Variants in AR observed in about 807,000 individuals in gnomAD.
AR encodes androgen receptor.
AR carries 8 observed loss-of-function variants against 53.9 expected under a neutral mutation model. The ratio of observed to expected loss-of-function variants is 0.15; its 90% CI spans 0.09 to 0.27. AR has a LOEUF of 0.27. Ranked by LOEUF, AR falls within the 10% of genes least tolerant of loss-of-function variation. AR has a pLI of 1.00. For synonymous variants in AR, 359 were observed against 316.4 expected (o/e 1.13, Z -1.43); for missense variants, 639 against 742.5 (o/e 0.86, Z 1.62).
chrX:67,707,889 C>G (rs1265738230), intron 3 of AR, among the ~76,000 whole-genome samples: 2 of 111,559 alleles, frequency 1.8e-5, no homozygotes, highest in African/African-American at 6.5e-5. Flanking sequence ...TTTTATTTCT[C>G]CTTCACTTAT....
chrX:67,621,076 G>A (rs1030115550), intron 1 of AR, among the ~76,000 whole-genome samples: 3 of 111,709 alleles, frequency 2.7e-5, no homozygotes, highest in Non-Finnish European at 3.8e-5. Context: ...ATTCTATGCC[G>A]TGGAAGAAGT....
At chrX:67,676,878 A>T (rs1425932236) in intron 2 of AR, among the ~76,000 whole-genome samples, 1 of 111,667 alleles carries the variant, frequency 9.0e-6, no homozygotes, top group Non-Finnish European at 1.9e-5. Flanking sequence ...GCTTGCTTTG[A>T]GTTCATGGAT....
At chrX:67,554,106 A>T (rs961348670) in intron 1 of AR, among the ~76,000 whole-genome samples, 1 of 112,350 alleles carries the variant, frequency 8.9e-6, no homozygotes, top group Non-Finnish European at 1.9e-5. Context: ...TTAAATGTTC[A>T]TCTCTTTAGA....
At chrX:67,716,626 A>G (rs1390739174) in intron 4 of AR, among the ~76,000 whole-genome samples, 4 of 111,136 alleles carry the variant, frequency 3.6e-5, no homozygotes, top group Non-Finnish European at 5.7e-5. Context: ...CCTATTGAGT[A>G]GAAAAGAATG....
intron 4 of AR, among the ~76,000 whole-genome samples, chrX:67,717,003 G>A (rs920655430): frequency 1.8e-5 from 2 of 111,684 alleles, no homozygotes; most frequent in African/African-American, 6.5e-5. Flanking sequence ...TCACAGAATG[G>A]AGATAATAAT....
At chrX:67,591,413 G>A (rs1922824543) in intron 1 of AR, among the ~76,000 whole-genome samples, 2 of 111,724 alleles carry the variant, frequency 1.8e-5, no homozygotes, top group Admixed American at 1.9e-4. Flanking sequence ...AAACTGGAGA[G>A]CTTGACTTCT....
At chrX:67,569,277 G>A (rs769674619) in intron 1 of AR, among the ~76,000 whole-genome samples, 1 of 110,639 alleles carries the variant, frequency 9.0e-6, no homozygotes, top group African/African-American at 3.3e-5. Context: ...AATTCGCTAT[G>A]ATAAGATTGC....
intron 3 of AR, among the ~76,000 whole-genome samples, chrX:67,690,087 G>A (rs1295359828): frequency 9.0e-6 from 1 of 111,656 alleles, no homozygotes; most frequent in South Asian, 3.7e-4. Context: ...GACCATGGAA[G>A]GTAGTAGGCC....
At chrX:67,594,031 G>C (rs1292297709) in intron 1 of AR, among the ~76,000 whole-genome samples, 3 of 112,005 alleles carry the variant, frequency 2.7e-5, no homozygotes, top group Non-Finnish European at 5.6e-5. Flanking sequence ...GTCTTATTCT[G>C]TCTCCCAGGC....
chrX:67,707,542 T>A (rs933643640), intron 3 of AR, among the ~76,000 whole-genome samples: 3 of 111,873 alleles, frequency 2.7e-5, no homozygotes, highest in African/African-American at 9.8e-5. Flanking sequence ...TCTCTGCACA[T>A]GAGATGGGTT....
chrX:67,562,616 C>T (rs1291859011), intron 1 of AR, among the ~76,000 whole-genome samples: 1 of 111,227 alleles, frequency 9.0e-6, no homozygotes, highest in Non-Finnish European at 1.9e-5. Context: ...CTTGACTCTT[C>T]TAGTCATTCG....
chrX:67,718,864 C>T (rs954354956), intron 5 of AR, among the ~76,000 whole-genome samples: 1 of 111,727 alleles, frequency 9.0e-6, no homozygotes, highest in Admixed American at 9.4e-5. Flanking sequence ...AAACTCCTGA[C>T]CTCATGATCT....
At chrX:67,722,805 T>C in intron 6 of AR, 22 bp from the exon 7 acceptor site, 6 of 1,210,385 alleles carry the variant, frequency 5.0e-6, no homozygotes, top group Non-Finnish European at 6.7e-6. Flanking sequence ...CCCCTCCCCA[T>C]TCTGTCTTCA....
chrX:67,613,040 G>A (rs1020470594), intron 1 of AR, among the ~76,000 whole-genome samples: 2 of 112,188 alleles, frequency 1.8e-5, no homozygotes, highest in Admixed American at 9.4e-5. Context: ...CACTTTCTAC[G>A]TATGAGGGCT....
intron 1 of AR, among the ~76,000 whole-genome samples, chrX:67,607,838 C>T (rs920935578): frequency 1.8e-5 from 2 of 111,532 alleles, no homozygotes; most frequent in African/African-American, 6.5e-5. Flanking sequence ...CCAAAAAATT[C>T]TCTGTATTGG....
At chrX:67,693,925 A>G (rs963250965) in intron 3 of AR, among the ~76,000 whole-genome samples, 1 of 111,940 alleles carries the variant, frequency 8.9e-6, no homozygotes, top group Non-Finnish European at 1.9e-5. Context: ...GGGACATTTC[A>G]GCCCTCTAGC....
chrX:67,546,389 C>A lies in AR; in HGVS notation c.1243C>A (p.His415Asn), dbSNP rs767010987. Reference sequence around the variant, plus strand: ...CCGCTATGGGGACCTGGCGAGCCTGCATGGCGCGGGTGCAGCGGGACCCGG... The same window carrying A: ...CCGCTATGGGGACCTGGCGAGCCTGAATGGCGCGGGTGCAGCGGGACCCGG... ...QCRYGDLASL[H>N]GAGAAGPGSG... Residue 415 changes from histidine (H) to asparagine (N), a missense_variant, in exon 1 of 8, where the codon CAT becomes AAT. Coordinates refer to ENST00000374690, the MANE Select transcript of AR (RefSeq NM_000044.6). The A allele has an allele frequency of 2.5e-6, 3 of 1,185,008 alleles. No homozygotes were observed. Among genetic ancestry groups the A allele is most frequent in the Non-Finnish European group, 3.4e-6 (3 of 882,743 alleles).
intron 3 of AR, among the ~76,000 whole-genome samples, chrX:67,686,962 T>C (rs1275888462): frequency 1.8e-5 from 2 of 111,241 alleles, no homozygotes; most frequent in Admixed American, 9.6e-5. Context: ...AATGCCAGGG[T>C]CCTCGCTGCT....
intron 1 of AR, among the ~76,000 whole-genome samples, chrX:67,632,651 A>G (rs1925220754): frequency 8.9e-6 from 1 of 112,120 alleles, no homozygotes; most frequent in Admixed American, 9.5e-5. Context: ...CTATTCGGCC[A>G]TCTTGGCTCC....
Sources: gnomAD v4.1 joint callset for allele counts (sites outside exome capture counted in the v4.1 genomes callset) on GRCh38, gnomAD v4.1.1 for gene constraint, MANE v1.5 for transcripts, NCBI Gene and HGNC (gene_info 2026-07-23, HGNC 2026-07-21) for gene names.